Variants in CTNNA1 observed in about 807,000 individuals in gnomAD.
CTNNA1 encodes catenin alpha-1.
Under a neutral mutation model 98.4 loss-of-function variants are expected in CTNNA1, and 37 were observed. The observed-to-expected ratio is 0.38, with a 90% CI of 0.29 to 0.49. The LOEUF (loss-of-function observed/expected upper bound fraction) is 0.49. CTNNA1 is among the 20% of genes least tolerant of loss of function. The pLI, the probability that CTNNA1 is intolerant of heterozygous loss-of-function variation, is 0.95. For missense variants in CTNNA1, 761 were observed against 1,147.2 expected (o/e 0.66, Z 4.86); for synonymous variants, 404 against 413.2 (o/e 0.98, Z 0.27).
At chr5:138,881,186 C>CT (rs1352690555) in intron 7 of CTNNA1, 1 of 450,656 alleles carries the variant, frequency 2.2e-6, no homozygotes, top group Non-Finnish European at 4.5e-6. Context: ...TTGCGTTTGT[C>CT]TGTGTATGTC....
intron 5 of CTNNA1, among the ~76,000 whole-genome samples, chr5:138,814,762 G>GTT (rs112818745): frequency 6.7e-6 from 1 of 149,526 alleles, no homozygotes; most frequent in African/African-American, 2.5e-5. Context: ...GTTTTTTTTT[G>GTT]TTTTTTTTTG....
At chr5:138,917,527 C>T (rs1174523216) in intron 10 of CTNNA1, among the ~76,000 whole-genome samples, 8 of 143,220 alleles carry the variant, frequency 5.6e-5, no homozygotes, top group Non-Finnish European at 9.6e-5. Flanking sequence ...GAAGCTAGTA[C>T]AGTTTTTATT....
intron 7 of CTNNA1, among the ~76,000 whole-genome samples, chr5:138,836,537 G>A (rs1454204940): frequency 6.6e-6 from 1 of 152,146 alleles, no homozygotes; most frequent in Non-Finnish European, 1.5e-5. Flanking sequence ...ATTGCGCATT[G>A]CAGTATTTAG....
chr5:138,794,888 G>A (rs1279049748), intron 3 of CTNNA1, among the ~76,000 whole-genome samples: 4 of 152,168 alleles, frequency 2.6e-5, no homozygotes, highest in Non-Finnish European at 4.4e-5. Flanking sequence ...TCAGGCCCAC[G>A]CCTGTAATTC....
At chr5:138,875,318 G>C (rs1474447704) in intron 7 of CTNNA1, 1 of 908,802 alleles carries the variant, frequency 1.1e-6, no homozygotes, top group African/African-American at 1.8e-5. Context: ...AAGCTTTTCC[G>C]AGAAACGGCA....
At chr5:138,870,908 G>A (rs990430030) in intron 7 of CTNNA1, 1 of 152,114 alleles carries the variant, frequency 6.6e-6, no homozygotes, top group Non-Finnish European at 1.5e-5. Context: ...CAAGCCCAGG[G>A]TCTGGTTTAA....
chr5:138,765,794 T>C (rs1402563733), intron 1 of CTNNA1, among the ~76,000 whole-genome samples: 2 of 151,286 alleles, frequency 1.3e-5, no homozygotes, highest in Non-Finnish European at 2.9e-5. Flanking sequence ...ACTAAAAATA[T>C]AAAAATTAGC....
intron 3 of CTNNA1, among the ~76,000 whole-genome samples, chr5:138,799,997 A>G (rs1045350635): frequency 4.6e-5 from 7 of 152,044 alleles, no homozygotes; most frequent in African/African-American, 1.4e-4. Context: ...CCTGGGTTCA[A>G]TCGATTCTCG....
intron 7 of CTNNA1, among the ~76,000 whole-genome samples, chr5:138,858,939 C>T (rs1004734385): frequency 6.6e-6 from 1 of 152,130 alleles, no homozygotes; most frequent in Non-Finnish European, 1.5e-5. Context: ...TTCTACATGC[C>T]CCTCAGAATT....
chr5:138,806,952 C>G (rs1758139499), intron 3 of CTNNA1, among the ~76,000 whole-genome samples: 2 of 149,110 alleles, frequency 1.3e-5, no homozygotes, highest in African/African-American at 2.5e-5. Flanking sequence ...CACTTACTCT[C>G]TAGGTGGGTG....
intron 3 of CTNNA1, among the ~76,000 whole-genome samples, chr5:138,802,624 C>T (rs1433875877): frequency 6.6e-6 from 1 of 152,134 alleles, no homozygotes; most frequent in Non-Finnish European, 1.5e-5. Context: ...TGCACTGTTT[C>T]AGCTTGTATG....
At chr5:138,782,374 C>T (rs1381914693) in intron 2 of CTNNA1, 1 of 454,942 alleles carries the variant, frequency 2.2e-6, no homozygotes, top group African/African-American at 2.0e-5. Flanking sequence ...CTGCTTAACA[C>T]ACCTTTCATT....
At chr5:138,910,379 A>G (rs1166150941) in intron 10 of CTNNA1, among the ~76,000 whole-genome samples, 2 of 150,414 alleles carry the variant, frequency 1.3e-5, no homozygotes, top group Middle Eastern at 6.9e-3. Flanking sequence ...TTTAATGATG[A>G]CTGCAGTTTC....
chr5:138,910,964 C>T (rs921865056), intron 10 of CTNNA1, among the ~76,000 whole-genome samples: 8 of 152,176 alleles, frequency 5.3e-5, no homozygotes, highest in Non-Finnish European at 2.9e-5. Context: ...CTCGGCCATG[C>T]GCAGTGCCTT....
At chr5:138,855,566 G>A (rs906366729) in intron 7 of CTNNA1, among the ~76,000 whole-genome samples, 1 of 152,156 alleles carries the variant, frequency 6.6e-6, no homozygotes, top group Non-Finnish European at 1.5e-5. Context: ...AAAAAGCTTA[G>A]AATGCTGTTT....
intron 7 of CTNNA1, among the ~76,000 whole-genome samples, chr5:138,836,706 C>T (rs1207701849): frequency 1.3e-5 from 2 of 152,174 alleles, no homozygotes; most frequent in Non-Finnish European, 2.9e-5. Flanking sequence ...GGAGTTTAGC[C>T]TCCTCAGGAT....
At position 138,844,476 on chromosome 5, in the gene CTNNA1, A is replaced by G. The variant is rs1007848601; in HGVS notation, c.1062+16758A>G. On this transcript the variant is annotated intron_variant, in intron 7 of 17. Transcript: ENST00000302763. ...GTGGAGGGGTTAGCTTGCTGTCTTC[A>G]GGTTTCCTATGCTTGAGAATTTGCC... Among the ~76,000 whole-genome samples the G allele has an allele frequency of 2.0e-5, 3 of 152,180 alleles. No homozygotes were observed. The East Asian group carries it at 5.8e-4, about 29-fold the overall frequency.
intron 10 of CTNNA1, among the ~76,000 whole-genome samples, chr5:138,912,959 G>C (rs779074142): frequency 2.0e-5 from 3 of 151,776 alleles, no homozygotes; most frequent in Non-Finnish European, 4.4e-5. Context: ...ATAGGTTGAC[G>C]TCTCCCATTG....
intron 3 of CTNNA1, among the ~76,000 whole-genome samples, chr5:138,787,350 G>A (rs1409505064): frequency 6.6e-6 from 1 of 152,150 alleles, no homozygotes; most frequent in Non-Finnish European, 1.5e-5. Flanking sequence ...CCTGGGAGGC[G>A]GAGCTGGCAG....
Sources: gnomAD v4.1 joint callset for allele counts (sites outside exome capture counted in the v4.1 genomes callset) on GRCh38, gnomAD v4.1.1 for gene constraint, MANE v1.5 for transcripts, NCBI Gene and HGNC (gene_info 2026-07-23, HGNC 2026-07-21) for gene names.